CPVL: variants seen among roughly 807,000 people sequenced by gnomAD.
CPVL encodes probable serine carboxypeptidase CPVL.
A neutral mutation model predicts 63.7 loss-of-function variants in CPVL; 51 were observed. The observed-to-expected ratio is 0.80, with a 90% CI of 0.64 to 1.01. The LOEUF (loss-of-function observed/expected upper bound fraction) is 1.01. Among genes scored for constraint, CPVL ranks in the 50% least tolerant of loss-of-function variants. The pLI, the probability that CPVL is intolerant of heterozygous loss-of-function variation, is 0.00. For missense variants in CPVL, 530 were observed against 573.1 expected (o/e 0.92, Z 0.77); for synonymous variants, 195 against 206.0 (o/e 0.95, Z 0.46).
chr7:29,024,253 G>A (rs188202510), intron 12 of CPVL, among the ~76,000 whole-genome samples: 1 of 152,230 alleles, frequency 6.6e-6, no homozygotes. Context: ...ACTTTTTGAA[G>A]TAGAAGAAAT....
intron 4 of CPVL, among the ~76,000 whole-genome samples, chr7:29,183,844 T>G (rs191288772): frequency 6.0e-4 from 91 of 152,246 alleles, no homozygotes; most frequent in African/African-American, 1.7e-3. Context: ...TCCACACCCA[T>G]GCATTCAACC....
intron 9 of CPVL, among the ~76,000 whole-genome samples, chr7:29,068,671 G>T (rs541911503): frequency 6.6e-6 from 1 of 151,688 alleles, no homozygotes; most frequent in East Asian, 1.9e-4. Context: ...CCACAGAGGA[G>T]GTGTCTTTTT....
chr7:29,166,228 C>T (rs1433761714), intron 5 of CPVL, among the ~76,000 whole-genome samples: 1 of 152,000 alleles, frequency 6.6e-6, no homozygotes, highest in Non-Finnish European at 1.5e-5. Flanking sequence ...GAGGTGGGGT[C>T]TCACTATGTT....
intron 11 of CPVL, among the ~76,000 whole-genome samples, chr7:29,031,432 C>T (rs752812078): frequency 6.6e-5 from 10 of 152,088 alleles, no homozygotes; most frequent in Non-Finnish European, 1.3e-4. Flanking sequence ...ATAGGAAAAA[C>T]AACACTGAGG....
At chr7:29,141,241 T>C (rs548032579) in intron 1 of CPVL, among the ~76,000 whole-genome samples, 13 of 152,312 alleles carry the variant, frequency 8.5e-5, no homozygotes, top group African/African-American at 3.1e-4. Context: ...CCGGTGGGAA[T>C]AGCATGAAAG....
chr7:29,112,948 G>A (rs928976966), intron 2 of CPVL, 126 bp from the exon 3 acceptor site: 1 of 646,758 alleles, frequency 1.5e-6, no homozygotes, highest in African/African-American at 1.8e-5. Flanking sequence ...GGTATGACAG[G>A]TAGTTCCTTC....
intron 3 of CPVL, among the ~76,000 whole-genome samples, chr7:29,105,981 A>C (rs1342730425): frequency 6.6e-6 from 1 of 152,222 alleles, no homozygotes; most frequent in Non-Finnish European, 1.5e-5. Context: ...GGACAAGCCC[A>C]TAAGTTAGGG....
intron 3 of CPVL, chr7:29,096,459 A>G (rs1370131359): frequency 3.7e-6 from 2 of 535,162 alleles, no homozygotes; most frequent in Non-Finnish European, 6.7e-6. Context: ...GTCTTTTCCC[A>G]ACAAGAGACA....
chr7:29,064,107 A>T lies in CPVL; in HGVS notation c.1091T>A (p.Val364Glu). The part of the protein sequence containing the change: ...IVEKYLREDT[V>E]QSVKPWLTEI... ...AGTTAACCATGGCTTAACTGACTGTACTGTATCTTCTCGCAAGTACTTTTC... is the reference window on the plus strand; with the variant it reads ...AGTTAACCATGGCTTAACTGACTGTTCTGTATCTTCTCGCAAGTACTTTTC... Residue 364 changes from valine to glutamate, a missense_variant, in exon 11 of 13, where the codon GTA becomes GAA. By Grantham distance (121) the Val-to-Glu change is moderately radical (BLOSUM62 -2). Coordinates refer to ENST00000265394, the MANE Select transcript of CPVL (RefSeq NM_031311.5). 6.2e-7 allele frequency: 1 copy of T among 1,613,136 alleles called. No homozygotes were observed. The highest frequency in any genetic ancestry group is 1.1e-5 in the South Asian group (1 of 91,044).
chr7:29,195,021 G>A, intron 1 of CPVL: 1 of 1,579,244 alleles, frequency 6.3e-7, no homozygotes. Context: ...CGCTGCTGCC[G>A]CGCCGGGTCT....
At chr7:29,140,473 A>T (rs1394658296) in intron 1 of CPVL, among the ~76,000 whole-genome samples, 1 of 152,206 alleles carries the variant, frequency 6.6e-6, no homozygotes, top group Non-Finnish European at 1.5e-5. Flanking sequence ...TAGCAAAGAG[A>T]GACATGCATG....
At chr7:29,162,520 G>A (rs1051073347) in intron 5 of CPVL, among the ~76,000 whole-genome samples, 2 of 152,058 alleles carry the variant, frequency 1.3e-5, no homozygotes, top group African/African-American at 2.4e-5. Context: ...AATTAGCTGG[G>A]CATGGTGGCG....
At chr7:29,073,253 C>T (rs965748182) in intron 7 of CPVL, among the ~76,000 whole-genome samples, 3 of 152,146 alleles carry the variant, frequency 2.0e-5, no homozygotes, top group Non-Finnish European at 2.9e-5. Flanking sequence ...TTCGTTATAT[C>T]TCTCTTTGTC....
rs563616878 is a variant in CPVL, at chr7:29,070,119, A to G, written c.864+1654T>C. On this transcript the variant is annotated intron_variant, in intron 9 of 12. Coordinates refer to ENST00000265394, the MANE Select transcript of CPVL (RefSeq NM_031311.5). ...GTCTTGTTTTAATTCATCACTCAAG[A>G]TACGGGACCAATGGTCAAAAAGACA... 2.0e-5 allele frequency among the ~76,000 whole-genome samples: 3 copies of G among 152,288 alleles called. No individual in the cohort carries two copies. In the East Asian group the frequency reaches 5.8e-4, roughly 29 times the overall value.
intron 3 of CPVL, among the ~76,000 whole-genome samples, chr7:29,109,337 C>T (rs1788030400): frequency 6.6e-6 from 1 of 152,180 alleles, no homozygotes; most frequent in South Asian, 2.1e-4. Flanking sequence ...AAAAAATACT[C>T]AGAGGATATG....
At chr7:29,140,421 G>A (rs1008521339) in intron 1 of CPVL, among the ~76,000 whole-genome samples, 2 of 152,288 alleles carry the variant, frequency 1.3e-5, no homozygotes, top group South Asian at 2.1e-4. Context: ...AGTAGTTAAA[G>A]ATGAAAAGGG....
intron 3 of CPVL, among the ~76,000 whole-genome samples, chr7:29,107,349 C>T (rs889620158): frequency 4.6e-5 from 7 of 152,260 alleles, no homozygotes; most frequent in Admixed American, 4.6e-4. Context: ...TTCAAGGGCT[C>T]CTTCATTCAA....
chr7:29,056,973 C>T (rs1471023827), intron 11 of CPVL, among the ~76,000 whole-genome samples: 2 of 108,636 alleles, frequency 1.8e-5, no homozygotes, highest in East Asian at 5.3e-4. Context: ...TTTTTTGAGA[C>T]AGGGTCTCAC....
chr7:29,155,620 T>G (rs2128700367), intron 5 of CPVL, among the ~76,000 whole-genome samples: 1 of 152,360 alleles, frequency 6.6e-6, no homozygotes, highest in South Asian at 2.1e-4. Flanking sequence ...TTTGTCTAGC[T>G]GCCTCCACTC....
Sources: allele counts gnomAD v4.1 joint callset (sites outside exome capture counted in the v4.1 genomes callset), GRCh38; gene constraint gnomAD v4.1.1; transcripts MANE v1.5; gene names NCBI Gene and HGNC (gene_info 2026-07-23, HGNC 2026-07-21).